Variants in PLEKHA5 observed in about 807,000 individuals in gnomAD.
The protein encoded by PLEKHA5 is pleckstrin homology domain containing A5.
PLEKHA5 carries 55 observed loss-of-function variants against 181.9 expected under a neutral mutation model. That is an observed-to-expected ratio of 0.30 (90% CI 0.24 to 0.38). The LOEUF (loss-of-function observed/expected upper bound fraction) is 0.38. Among genes scored for constraint, PLEKHA5 ranks in the 10% least tolerant of loss-of-function variants. The pLI, the probability that PLEKHA5 is intolerant of heterozygous loss-of-function variation, is 1.00. For missense variants in PLEKHA5, 1,432 were observed against 1,549.5 expected (o/e 0.92, Z 1.27); for synonymous variants, 535 against 529.4 (o/e 1.01, Z -0.15).
chr12:19,344,717 C>T (rs1272726559), intron 22 of PLEKHA5, among the ~76,000 whole-genome samples: 1 of 152,192 alleles, frequency 6.6e-6, no homozygotes, highest in Non-Finnish European at 1.5e-5. Context: ...CCCATTTCCC[C>T]ATACTCTTGT....
intron 3 of PLEKHA5, among the ~76,000 whole-genome samples, chr12:19,242,833 T>C (rs2062921658): frequency 2.0e-5 from 3 of 152,212 alleles, no homozygotes; most frequent in Admixed American, 2.0e-4. Flanking sequence ...ACACATGCTT[T>C]ATAATTGTTA....
At chr12:19,237,235 T>C (rs2061543159) in intron 3 of PLEKHA5, among the ~76,000 whole-genome samples, 1 of 152,180 alleles carries the variant, frequency 6.6e-6, no homozygotes, top group Non-Finnish European at 1.5e-5. Context: ...AATATAAGTA[T>C]ATTCATTAGG....
At chr12:19,251,712 C>G (rs2065340203) in intron 3 of PLEKHA5, among the ~76,000 whole-genome samples, 2 of 125,760 alleles carry the variant, frequency 1.6e-5, no homozygotes. Context: ...ACTGATGATT[C>G]TCTTGATCTG....
chr12:19,180,795 T>G (rs938002002), intron 3 of PLEKHA5, among the ~76,000 whole-genome samples: 2 of 10,816 alleles, frequency 1.8e-4, no homozygotes, highest in African/African-American at 2.5e-4. Flanking sequence ...AAATATAGTG[T>G]TTTTTTTTTT....
chr12:19,186,587 G>A (rs1390883632), intron 3 of PLEKHA5, among the ~76,000 whole-genome samples: 1 of 152,176 alleles, frequency 6.6e-6, no homozygotes, highest in Non-Finnish European at 1.5e-5. Flanking sequence ...AGAAGAAATG[G>A]AGTAAGAGTA....
At chr12:19,301,873 A>G (rs535592562) in intron 15 of PLEKHA5, among the ~76,000 whole-genome samples, 20 of 152,292 alleles carry the variant, frequency 1.3e-4, no homozygotes, top group Admixed American at 4.6e-4. Flanking sequence ...AGTGGTTTCA[A>G]TAGGTAGCAT....
intron 15 of PLEKHA5, among the ~76,000 whole-genome samples, chr12:19,299,616 C>G (rs975685000): frequency 6.6e-5 from 10 of 152,168 alleles, no homozygotes; most frequent in Non-Finnish European, 1.5e-4. Flanking sequence ...AGTTTGTTAA[C>G]TGTAAGCCTC....
In PLEKHA5 at chr12:19,238,421, A is replaced by G. The variant is rs1482050687; in HGVS notation, c.228-15519A>G. Among the ~76,000 whole-genome samples, 11 of 152,128 alleles carry G rather than the reference A, an allele frequency of 7.2e-5. 1 individual carries two copies. The highest frequency in any genetic ancestry group is 7.2e-4 in the Admixed American group (11 of 15,266). ...TACATCTATACTTAGAAGCATTGAAATATAGAAGTAGGGTTTCAAGTTTGC... is the reference window on the plus strand; with the variant it reads ...TACATCTATACTTAGAAGCATTGAAGTATAGAAGTAGGGTTTCAAGTTTGC... On this transcript the variant is annotated intron_variant, in intron 3 of 31. Transcript: ENST00000429027.
At chr12:19,301,974 TA>T (rs1178157697) in intron 15 of PLEKHA5, among the ~76,000 whole-genome samples, 1 of 152,158 alleles carries the variant, frequency 6.6e-6, no homozygotes, top group Non-Finnish European at 1.5e-5. Context: ...GACCTATTTA[TA>T]AAGACCCCTG....
intron 3 of PLEKHA5, among the ~76,000 whole-genome samples, chr12:19,190,567 C>A (rs936606299): frequency 6.6e-6 from 1 of 152,194 alleles, no homozygotes; most frequent in Non-Finnish European, 1.5e-5. Context: ...ATTGCTTGGA[C>A]ATTCTAGACT....
intron 3 of PLEKHA5, chr12:19,151,544 G>T (rs2040392681): frequency 6.6e-6 from 1 of 152,056 alleles, no homozygotes; most frequent in African/African-American, 2.4e-5. Context: ...CTCCTTAAAG[G>T]GTATTTGGGT....
intron 3 of PLEKHA5, among the ~76,000 whole-genome samples, chr12:19,219,135 G>A (rs2058532884): frequency 6.6e-6 from 1 of 151,892 alleles, no homozygotes; most frequent in African/African-American, 2.4e-5. Flanking sequence ...TTCTCAGGAT[G>A]CAAAATCTGC....
intron 20 of PLEKHA5, among the ~76,000 whole-genome samples, chr12:19,334,870 C>CTATATA (rs1461069710): frequency 3.8e-5 from 1 of 26,266 alleles, no homozygotes; most frequent in Admixed American, 5.7e-4. Flanking sequence ...ATATATATAT[C>CTATATA]TCTGTATACG....
chr12:19,169,649 A>T (rs1229631305), intron 3 of PLEKHA5, among the ~76,000 whole-genome samples: 2 of 152,216 alleles, frequency 1.3e-5, no homozygotes. Context: ...AAGAACCCAT[A>T]CAAGTCTTTT....
chr12:19,348,121 G>A (rs1484899177), intron 24 of PLEKHA5, among the ~76,000 whole-genome samples: 1 of 152,066 alleles, frequency 6.6e-6, no homozygotes, highest in Admixed American at 6.6e-5. Context: ...GGCCTCAGGT[G>A]ATACACCCAC....
intron 27 of PLEKHA5, among the ~76,000 whole-genome samples, 170 bp downstream of exon 27, chr12:19,358,607 C>A (rs188862157): frequency 1.3e-5 from 2 of 152,174 alleles, no homozygotes; most frequent in Admixed American, 6.6e-5. Flanking sequence ...ATGTAAATAA[C>A]CCTGAGTTCA....
At chr12:19,349,755 C>A (rs1192946601) in intron 25 of PLEKHA5, among the ~76,000 whole-genome samples, 2 of 145,498 alleles carry the variant, frequency 1.4e-5, no homozygotes, top group Non-Finnish European at 3.0e-5. Flanking sequence ...AAAAAAAAAA[C>A]TCTCCCAAGA....
Position 19,255,110 on chromosome 12 carries a change from C to G in PLEKHA5, c.377C>G (p.Ser126Cys). ...CCAATAAGTATGATAAATGAAGCTTCTAACTATAACGTGACTTCAGATTAT... is the reference window on the plus strand; with the variant it reads ...CCAATAAGTATGATAAATGAAGCTTGTAACTATAACGTGACTTCAGATTAT... Reference protein sequence around the residue: ...ERPISMINEASNYNVTSDYAV... With the variant: ...ERPISMINEACNYNVTSDYAV... The change falls in exon 5 of 32, where the codon TCT (serine) becomes TGT (cysteine). Residue 126 changes from serine to cysteine, a missense_variant. Physicochemically the swap from Ser to Cys is moderately radical, Grantham distance 112 (BLOSUM62 -1). Transcript: ENST00000429027. 2 of 1,610,300 alleles carry G rather than the reference C, an allele frequency of 1.2e-6. No individual in the cohort carries two copies. Among genetic ancestry groups the G allele is most frequent in the African/African-American group, 1.3e-5 (1 of 75,002 alleles).
chr12:19,306,194 C>T (rs537769190), intron 15 of PLEKHA5, among the ~76,000 whole-genome samples: 53 of 152,214 alleles, frequency 3.5e-4, no homozygotes, highest in Middle Eastern at 3.4e-3. Flanking sequence ...TTAGAAATTT[C>T]AAGTAAAAAT....
Sources: gnomAD v4.1 joint callset for allele counts (sites outside exome capture counted in the v4.1 genomes callset) on GRCh38, gnomAD v4.1.1 for gene constraint, MANE v1.5 for transcripts, NCBI Gene and HGNC (gene_info 2026-07-23, HGNC 2026-07-21) for gene names.